GALNT2: variants seen among roughly 807,000 people sequenced by gnomAD.
GALNT2 encodes the protein polypeptide N-acetylgalactosaminyltransferase 2.
Under a neutral mutation model 81.4 loss-of-function variants are expected in GALNT2, and 31 were observed. The observed-to-expected ratio is 0.38, with a 90% CI of 0.29 to 0.51. The LOEUF (loss-of-function observed/expected upper bound fraction) is 0.51, where lower values mean the gene tolerates loss of function less well. Ranked by LOEUF, GALNT2 falls within the 20% of genes least tolerant of loss-of-function variation. The pLI is 0.87. For missense variants in GALNT2, 629 were observed against 765.7 expected (o/e 0.82, Z 2.11); for synonymous variants, 303 against 287.4 (o/e 1.05, Z -0.55).
intron 14 of GALNT2, among the ~76,000 whole-genome samples, chr1:230,272,472 C>T (rs1366598433): frequency 6.6e-6 from 1 of 152,148 alleles, no homozygotes; most frequent in Non-Finnish European, 1.5e-5. Context: ...TTCATTTGAC[C>T]TAGAATCCGT....
intron 1 of GALNT2, among the ~76,000 whole-genome samples, chr1:230,071,520 G>T: frequency 6.6e-6 from 1 of 152,148 alleles, no homozygotes; most frequent in Non-Finnish European, 1.5e-5. Context: ...TCCCTCTGTA[G>T]CCCTGCCCCT....
intron 1 of GALNT2, among the ~76,000 whole-genome samples, chr1:230,105,554 G>A (rs80303231): frequency 1.5e-3 from 223 of 152,296 alleles, no homozygotes; most frequent in African/African-American, 5.1e-3. Flanking sequence ...TCAGTGAACC[G>A]TGTTGCTCTT....
At chr1:230,142,842 AT>A (rs1173048143) in intron 1 of GALNT2, among the ~76,000 whole-genome samples, 2 of 152,226 alleles carry the variant, frequency 1.3e-5, no homozygotes, top group East Asian at 3.9e-4. Context: ...TTGCTTATAA[AT>A]TATCCTCCTT....
At chr1:230,067,216 G>T (rs564710739), upstream of GALNT2, 6 of 1,069,852 alleles carry the variant, frequency 5.6e-6, no homozygotes, top group South Asian at 1.6e-4. Context: ...CCCCCACCGC[G>T]CCCGCGGCCG....
intron 1 of GALNT2, among the ~76,000 whole-genome samples, chr1:230,080,580 G>A (rs2102752894): frequency 6.6e-6 from 1 of 152,260 alleles, no homozygotes; most frequent in South Asian, 2.1e-4. Flanking sequence ...GACAGCAGAA[G>A]CCCAGGAGGC....
chr1:230,275,371 A>G lies in GALNT2; in HGVS notation c.1560+807A>G, dbSNP rs548673346. ...ATATATACATGCCACATATACATCT[A>G]TAAACACCACATGTATACACGCCAC... On this transcript the variant is annotated intron_variant, in intron 15 of 15. Transcript: ENST00000366672. This position sits in a 1 kb window ranked among gnomAD's most constrained non-coding sequence, Gnocchi z 5.5. 6.6e-6 allele frequency among the ~76,000 whole-genome samples: 1 copy of G among 151,112 alleles called. No individual in the cohort carries two copies. The highest frequency in any genetic ancestry group is 1.5e-5 in the Non-Finnish European group (1 of 67,698).
chr1:230,150,036 C>G (rs536564539), intron 1 of GALNT2, among the ~76,000 whole-genome samples: 1 of 152,370 alleles, frequency 6.6e-6, no homozygotes, highest in East Asian at 1.9e-4. Context: ...TAGAGGTTGA[C>G]AGCCACACAG....
At chr1:230,096,411 G>C (rs750216690) in intron 1 of GALNT2, among the ~76,000 whole-genome samples, 2 of 152,212 alleles carry the variant, frequency 1.3e-5, no homozygotes, top group Non-Finnish European at 2.9e-5. Flanking sequence ...GGCATGGTTA[G>C]AGCATGCTGG....
intron 1 of GALNT2, among the ~76,000 whole-genome samples, chr1:230,142,651 T>C (rs556205809): frequency 2.0e-5 from 3 of 152,184 alleles, no homozygotes; most frequent in South Asian, 4.1e-4. Flanking sequence ...AAAATACGCC[T>C]GTGCTTTGGT....
intron 1 of GALNT2, among the ~76,000 whole-genome samples, chr1:230,068,529 G>T (rs1659277510): frequency 6.6e-6 from 1 of 152,234 alleles, no homozygotes; most frequent in African/African-American, 2.4e-5. Flanking sequence ...GACTACGGGT[G>T]GTTGGGTTGG....
At chr1:230,112,387 G>A (rs1660729194) in intron 1 of GALNT2, among the ~76,000 whole-genome samples, 1 of 150,668 alleles carries the variant, frequency 6.6e-6, no homozygotes. Context: ...CGGGGGAGGG[G>A]GGGGGCCTGC....
At chr1:230,224,885 T>C (rs1262975051) in intron 3 of GALNT2, among the ~76,000 whole-genome samples, 1 of 151,678 alleles carries the variant, frequency 6.6e-6, no homozygotes, top group Admixed American at 6.6e-5. Flanking sequence ...TTCCGACTCC[T>C]ATACGTTGCA....
chr1:230,214,194 C>T (rs922992008), intron 3 of GALNT2, among the ~76,000 whole-genome samples: 2 of 151,474 alleles, frequency 1.3e-5, no homozygotes, highest in African/African-American at 4.9e-5. Context: ...CTCACTGCAA[C>T]CTCCGCCTCC....
In GALNT2 at chr1:230,264,972, C is replaced by CAA. The variant is rs67239229; in HGVS notation, c.1314-249_1314-248dup. ...GTATCAGGAGCTTTTCCTTCCTTTC[C>CAA]AAAAAAAAAAAAAAAAAAAAATGAC... On this transcript the variant is annotated intron_variant, in intron 13 of 15. Transcript: ENST00000366672. 468 of 170,616 alleles carry CAA rather than the reference C, an allele frequency of 2.7e-3. 1 individual carries two copies. The highest frequency in any genetic ancestry group is 4.8e-3 in the South Asian group (38 of 7,840). The allele number at this position is 170,616 out of a possible 1,614,324, so 10.6% of individuals were successfully genotyped here.
intron 9 of GALNT2, 126 bp downstream of exon 9, chr1:230,249,397 C>A: frequency 1.4e-6 from 1 of 709,790 alleles, no homozygotes; most frequent in Non-Finnish European, 2.4e-6. Flanking sequence ...GGTTTCCCCT[C>A]GTCTCAGCTC....
At chr1:230,278,112 CTT>C (rs34767763) in intron 15 of GALNT2, among the ~76,000 whole-genome samples, 35 of 121,118 alleles carry the variant, frequency 2.9e-4, no homozygotes, top group Non-Finnish European at 3.5e-4. Context: ...GTTTTTCTTT[CTT>C]TTTTTTTTTT....
chr1:230,140,465 A>G (rs558727665), intron 1 of GALNT2, among the ~76,000 whole-genome samples: 2 of 152,290 alleles, frequency 1.3e-5, no homozygotes, highest in African/African-American at 4.8e-5. Flanking sequence ...TCCCTGTCCT[A>G]CTGAGGGGAT....
chr1:230,137,479 G>A (rs1661587344), intron 1 of GALNT2, among the ~76,000 whole-genome samples: 1 of 152,244 alleles, frequency 6.6e-6, no homozygotes, highest in African/African-American at 2.4e-5. Context: ...GAGGGTGCTT[G>A]CTGGGTGTTC....
At chr1:230,177,028 A>G (rs1331003413) in intron 1 of GALNT2, among the ~76,000 whole-genome samples, 7 of 152,232 alleles carry the variant, frequency 4.6e-5, no homozygotes, top group Admixed American at 3.9e-4. Flanking sequence ...TAGAGAAGCA[A>G]CGGAAGCAAA....
Sources: allele counts gnomAD v4.1 joint callset (sites outside exome capture counted in the v4.1 genomes callset), GRCh38; gene constraint gnomAD v4.1.1; non-coding constraint Gnocchi (gnomAD v3.1); transcripts MANE v1.5; gene names NCBI Gene and HGNC (gene_info 2026-07-23, HGNC 2026-07-21).